Variants in CES1 observed in about 807,000 individuals in gnomAD.
CES1 encodes the protein carboxylesterase 1.
In CES1, 50 loss-of-function variants were observed where a neutral mutation model predicts 53.0. The ratio of observed to expected loss-of-function variants is 0.94; its 90% CI spans 0.75 to 1.19. The LOEUF is 1.19. Ranked by LOEUF, CES1 falls within the 50% of genes most tolerant of loss-of-function variation. The probability of loss-of-function intolerance (pLI) is 0.00; values close to 1 mark genes in which losing one functional copy is unlikely to be tolerated. For missense variants in CES1, 534 were observed against 538.0 expected, an observed-to-expected ratio of 0.99 and a Z score of 0.07; for synonymous variants, 202 against 210.1, an observed-to-expected ratio of 0.96 and a Z score of 0.33.
At chr16:55,832,022 A>G (rs111603887) in intron 1 of CES1, among the ~76,000 whole-genome samples, 34,372 of 139,780 alleles carry the variant, frequency 0.25, 1,569 homozygotes, top group African/African-American at 0.38. Context: ...CAGCCACCCC[A>G]GAGCCCACAC....
In CES1 at chr16:55,810,661, T is replaced by C. The variant is rs1235669940; in HGVS notation, c.1174A>G (p.Ile392Val). 12 of 1,614,160 alleles carry C rather than the reference T, an allele frequency of 7.4e-6. No homozygotes were observed. Among genetic ancestry groups the C allele is most frequent in the Non-Finnish European group, 2.5e-6 (3 of 1,180,000 alleles). The stretch of plus-strand genomic sequence containing the variant: ...GCTTCTGGAATCAGTTCCTTAGCAA[T>C]GCACTGAAATAGATCAAAAAGTGAC... The part of the protein sequence containing the change: ...LLWKSYPLVC[I>V]AKELIPEATE... Residue 392 changes from isoleucine (I) to valine (V), a missense_variant, in exon 11 of 14, where the codon ATT becomes GTT. Physicochemically the swap from Ile to Val is conservative, Grantham distance 29 (BLOSUM62 3). Transcript: ENST00000360526.
At chr16:55,832,039 T>G (rs2541589) in intron 1 of CES1, among the ~76,000 whole-genome samples, 3 of 151,868 alleles carry the variant, frequency 2.0e-5, no homozygotes, top group South Asian at 2.1e-4. Context: ...ACACCCCAAC[T>G]GCCTCTTTGA....
At position 55,821,703 on chromosome 16, in the gene CES1, C is replaced by A. The variant is rs1231769601; in HGVS notation, c.540-182G>T. ...GATGTATGGTTCTACATTCACACAA[C>A]TGGCAACTATTTACTGAGCATCTAC... On this transcript the variant is annotated intron_variant, in intron 4 of 13. Transcript: ENST00000360526. Among the ~76,000 whole-genome samples the A allele has an allele frequency of 2.0e-5, 3 of 152,330 alleles. No individual in the cohort carries two copies. The East Asian group carries it at 5.8e-4, about 29-fold the overall frequency.
intron 10 of CES1, 28 bp downstream of exon 10, chr16:55,810,899 C>T (rs1313523683): frequency 6.3e-7 from 1 of 1,596,576 alleles, no homozygotes; most frequent in Non-Finnish European, 8.6e-7. Flanking sequence ...TGGGTCTCAG[C>T]CAATTCCCAT....
chr16:55,832,336 A>T (rs2032715064), intron 1 of CES1, among the ~76,000 whole-genome samples: 1 of 152,174 alleles, frequency 6.6e-6, no homozygotes. Context: ...TGTCTTTTTA[A>T]TGGCAAGAGG....
chr16:55,812,808 A>C (rs547537179), intron 9 of CES1, 95 bp downstream of exon 9: 2 of 1,539,060 alleles, frequency 1.3e-6, no homozygotes, highest in African/African-American at 2.7e-5. Flanking sequence ...CCCAGGACTC[A>C]GAGTGCAGCT....
Position 55,813,046 on chromosome 16 carries a change from G to C in CES1, c.946-3C>G. On this transcript the variant is annotated splice_polypyrimidine_tract_variant and splice_region_variant and intron_variant, in intron 8 of 13. Transcript: ENST00000360526. ...ACAGTGCCCAGAAGGGGTTGACTCT[G>C]GGGAGAGAGCAGTGCAGCACCTGTG... The C allele has an allele frequency of 6.2e-7, 1 of 1,613,900 alleles. No individual in the cohort carries two copies. Among genetic ancestry groups the C allele is most frequent in the East Asian group, 2.2e-5 (1 of 44,884 alleles).
chr16:55,832,367 C>A (rs551124316), intron 1 of CES1, among the ~76,000 whole-genome samples: 1 of 152,300 alleles, frequency 6.6e-6, no homozygotes, highest in South Asian at 2.1e-4. Flanking sequence ...GTGGCCTGAC[C>A]ACAGCTCAAA....
chr16:55,811,144 C>T (rs1433035258), intron 9 of CES1, 134 bp from the exon 10 acceptor site: 1 of 741,404 alleles, frequency 1.3e-6, no homozygotes, highest in East Asian at 2.7e-5. Flanking sequence ...TGAGTCTTTA[C>T]TGAAATGGGT....
intron 5 of CES1, 110 bp downstream of exon 5, chr16:55,821,258 A>T (rs2032177442): frequency 1.4e-6 from 2 of 1,422,120 alleles, no homozygotes; most frequent in Non-Finnish European, 2.0e-6. Context: ...GCCAGTCCTG[A>T]ATTCAGGTAT....
chr16:55,825,990 G>T (rs1399790619), intron 3 of CES1, among the ~76,000 whole-genome samples, 161 bp downstream of exon 3: 3 of 152,238 alleles, frequency 2.0e-5, no homozygotes, highest in African/African-American at 4.8e-5. Flanking sequence ...GTAAACTGAT[G>T]TGTGGAAAAC....
chr16:55,832,665 T>A (rs1173912960), intron 1 of CES1, among the ~76,000 whole-genome samples: 1 of 152,194 alleles, frequency 6.6e-6, no homozygotes, highest in Non-Finnish European at 1.5e-5. Flanking sequence ...AATATTATGT[T>A]GAGCCGCTCT....
At chr16:55,830,773 A>AGAAGGAAGGAAGGAAG (rs1200351837) in intron 1 of CES1, among the ~76,000 whole-genome samples, 2,509 of 76,400 alleles carry the variant, frequency 0.033, 84 homozygotes, top group African/African-American at 0.038. Context: ...AAGGAAGGAA[A>AGAAGGAAGGAAGGAAG]GAAGGAAGGA....
chr16:55,821,454 G>A lies in CES1; in HGVS notation c.607C>T (p.Gln203Ter), dbSNP rs1415465585. ...CCTCCAAAGCTGGCAATGTTGTCCTGGACCCAGCGCAGGGCAGCCACCTGG... is the reference window on the plus strand; with the variant it reads ...CCTCCAAAGCTGGCAATGTTGTCCTAGACCCAGCGCAGGGCAGCCACCTGG... ...LDQVAALRWV[Q>*]DNIASFGGNP... Residue 203 changes from glutamine (Q) to a stop codon, truncating the protein, a stop_gained, in exon 5 of 14, where the codon CAG becomes TAG. Transcript: ENST00000360526. LOFTEE classifies it high-confidence loss of function. 1.2e-6 allele frequency: 2 copies of A among 1,614,176 alleles called. No individual in the cohort carries two copies. Among genetic ancestry groups the A allele is most frequent in the Admixed American group, 3.3e-5 (2 of 60,024 alleles).
At position 55,828,753 on chromosome 16, in the gene CES1, A is replaced by G. The variant is rs752870543; in HGVS notation, c.260+14T>C. The stretch of plus-strand genomic sequence containing the variant: ...TTGAGGTAAACATCCCCAAGGACAC[A>G]TGCCGCAGCTTACATAGGAGGGTAC... On this transcript the variant is annotated intron_variant, in intron 2 of 13. Transcript: ENST00000360526. 1.9e-6 allele frequency: 3 copies of G among 1,614,204 alleles called. No individual in the cohort carries two copies. Among genetic ancestry groups the G allele is most frequent in the Admixed American group, 3.3e-5 (2 of 60,030 alleles).
chr16:55,814,989 T>C (rs1254233953), intron 8 of CES1, among the ~76,000 whole-genome samples: 2 of 152,224 alleles, frequency 1.3e-5, no homozygotes, highest in African/African-American at 4.8e-5. Flanking sequence ...GGAAGGAAGA[T>C]GCAGGGCAGA....
At chr16:55,822,959 C>T (rs1334646128) in intron 4 of CES1, among the ~76,000 whole-genome samples, 12 of 152,054 alleles carry the variant, frequency 7.9e-5, no homozygotes, top group Admixed American at 5.2e-4. Flanking sequence ...AGATCTGACT[C>T]CTGTCCCCAT....
intron 11 of CES1, among the ~76,000 whole-genome samples, chr16:55,808,702 G>C: frequency 6.6e-6 from 1 of 152,170 alleles, no homozygotes; most frequent in Non-Finnish European, 1.5e-5. Flanking sequence ...TGTAGCATCA[G>C]AATGTGAGTA....
rs575443369 is a variant in CES1 at position 55,822,700 on chromosome 16, G to A, written c.539+850C>T. Among the ~76,000 whole-genome samples the A allele has an allele frequency of 3.6e-4, 55 of 152,192 alleles. No homozygotes were observed. The South Asian group carries it at 6.8e-3, about 19-fold the overall frequency. On this transcript the variant is annotated intron_variant, in intron 4 of 13. Transcript: ENST00000360526. ...ATCACTGGGAATTAGTAAGGAGGGA[G>A]AGGGAGACAAGAGAGGCCTGTGGAC... is the stretch of plus-strand genomic sequence containing the variant.
Sources: gnomAD v4.1 joint callset for allele counts (sites outside exome capture counted in the v4.1 genomes callset) on GRCh38, gnomAD v4.1.1 for gene constraint, MANE v1.5 for transcripts, NCBI Gene and HGNC (gene_info 2026-07-23, HGNC 2026-07-21) for gene names.